STIL: variants seen among roughly 807,000 people sequenced by gnomAD.
STIL encodes the protein STIL centriolar assembly protein.
A neutral mutation model predicts 110.1 loss-of-function variants in STIL; 55 were observed. The ratio of observed to expected loss-of-function variants is 0.50; its 90% CI spans 0.40 to 0.63. The LOEUF (loss-of-function observed/expected upper bound fraction) is 0.63. Among genes scored for constraint, STIL ranks in the 20% least tolerant of loss-of-function variants. The probability of loss-of-function intolerance (pLI) is 0.00; values close to 1 mark genes in which losing one functional copy is unlikely to be tolerated. For synonymous variants in STIL, 481 were observed against 530.0 expected, an observed-to-expected ratio of 0.91 and a Z score of 1.27; for missense variants, 1,358 against 1,530.0, an observed-to-expected ratio of 0.89 and a Z score of 1.87.
intron 14 of STIL, among the ~76,000 whole-genome samples, chr1:47,264,930 T>TAAAAAAAAAAA (rs35230201): frequency 3.1e-5 from 4 of 128,852 alleles, no homozygotes; most frequent in Non-Finnish European, 4.7e-5. Flanking sequence ...TTTCTAAAGT[T>TAAAAAAAAAAA]AAAAAAAAAA....
chr1:47,267,107 ATCAT>A (rs1470222325), intron 14 of STIL, among the ~76,000 whole-genome samples: 1 of 152,084 alleles, frequency 6.6e-6, no homozygotes, highest in Non-Finnish European at 1.5e-5. Context: ...GCTCCTTCTC[ATCAT>A]TCAGGTCACT....
intron 12 of STIL, among the ~76,000 whole-genome samples, chr1:47,277,581 G>A (rs1481228572): frequency 6.6e-6 from 1 of 152,122 alleles, no homozygotes; most frequent in East Asian, 1.9e-4. Flanking sequence ...GAATTAGGTT[G>A]GTAGCAGGAA....
intron 7 of STIL, 37 bp downstream of exon 7, chr1:47,295,728 T>C (rs759061182): frequency 7.2e-7 from 1 of 1,379,950 alleles, no homozygotes; most frequent in Non-Finnish European, 1.0e-6. Context: ...TTTGAACATT[T>C]GGCTGATAAG....
intron 8 of STIL, among the ~76,000 whole-genome samples, chr1:47,289,793 G>A (rs901309717): frequency 6.6e-6 from 1 of 151,996 alleles, no homozygotes; most frequent in Admixed American, 6.6e-5. Context: ...AACATAGTGA[G>A]ACCCTTCCTC....
Position 47,303,262 on chromosome 1 carries a change from GT to G in STIL, c.153-917del, listed in dbSNP as rs377684559. Among the ~76,000 whole-genome samples, 65 of 152,202 alleles carry G rather than the reference GT, an allele frequency of 4.3e-4. 2 individuals carry two copies. In the East Asian group the frequency reaches 9.4e-3, roughly 22 times the overall value. On this transcript the variant is annotated intron_variant, in intron 3 of 16. Transcript: ENST00000371877. ...TCTCATATATATGGTACACCGCCAC[GT>G]TTTAAAAAACCTAAATGAGGGCCAG...
At chr1:47,310,199 C>A (rs1007551117) in intron 2 of STIL, 77 bp downstream of exon 2, 4 of 1,422,920 alleles carry the variant, frequency 2.8e-6, no homozygotes, top group South Asian at 1.2e-5. Flanking sequence ...AGATTATATT[C>A]TTTTTTCTCT....
chr1:47,251,211 C>CT lies in STIL; in HGVS notation c.3791dup (p.Gln1265AlafsTer4). On this transcript the variant is annotated frameshift_variant, in exon 17 of 17. Transcript: ENST00000371877. LOFTEE classifies it high-confidence loss of function. Reference sequence around the variant, plus strand: ...CTACTGAATTCATGCTATTCATCTGCTTTAGCGTTTCAGAAGGTTGCAAAC... The same window carrying CT: ...CTACTGAATTCATGCTATTCATCTGCTTTTAGCGTTTCAGAAGGTTGCAAAC... 6.2e-7 allele frequency: 1 copy of CT among 1,612,330 alleles called. No homozygotes were observed. The highest frequency in any genetic ancestry group is 8.5e-7 in the Non-Finnish European group (1 of 1,179,408).
intron 8 of STIL, among the ~76,000 whole-genome samples, chr1:47,289,995 G>A (rs148965276): frequency 0.012 from 1,867 of 150,682 alleles, 39 homozygotes; most frequent in African/African-American, 0.043. Flanking sequence ...TTTTACTGAG[G>A]ATTTACTGTC....
Position 47,282,367 on chromosome 1 carries a change from C to G in STIL, c.1226G>C (p.Ser409Thr), listed in dbSNP as rs369348360. The G allele has an allele frequency of 8.7e-6, 14 of 1,611,950 alleles. No individual in the cohort carries two copies. The highest frequency in any genetic ancestry group is 7.7e-5 in the South Asian group (7 of 91,050). The change falls in exon 11 of 17, where the codon AGT becomes ACT. Residue 409 changes from serine (S) to threonine (T), a missense_variant. Coordinates refer to ENST00000371877, the MANE Select transcript of STIL (RefSeq NM_001048166.1). ...DEDFSPRPIP[S>T]PHPVSQKISK... is the part of the protein sequence containing the mutation. ...TACCTTCTGACTCACTGGATGAGGA[C>G]TAGGAATTGGTCTTGGAGAAAAATC...
intron 9 of STIL, among the ~76,000 whole-genome samples, chr1:47,288,892 CAAAAA>C (rs138649605): frequency 2.1e-5 from 2 of 94,772 alleles, no homozygotes; most frequent in South Asian, 3.9e-4. Context: ...AATGAAAATA[CAAAAA>C]AAAAAAAAAA....
intron 14 of STIL, among the ~76,000 whole-genome samples, chr1:47,268,758 CATAAATAAATAA>C (rs55980086): frequency 1.7e-4 from 17 of 98,278 alleles, no homozygotes; most frequent in African/African-American, 4.7e-4. Flanking sequence ...AACTCCATCT[CATAAATAAATAA>C]ATAAATAAAT....
At chr1:47,253,944 C>G (rs989977462) in intron 16 of STIL, among the ~76,000 whole-genome samples, 4 of 151,876 alleles carry the variant, frequency 2.6e-5, no homozygotes, top group African/African-American at 9.7e-5. Flanking sequence ...TTTGGGAGGC[C>G]GAGGTGAGCA....
At chr1:47,279,687 C>T (rs1645095422) in intron 12 of STIL, among the ~76,000 whole-genome samples, 1 of 149,824 alleles carries the variant, frequency 6.7e-6, no homozygotes. Flanking sequence ...CAAGATCATG[C>T]CCCTGCACTC....
Position 47,301,615 on chromosome 1 carries a change from A to G in STIL, c.399T>C (p.Leu133=). The change falls in exon 5 of 17, where the codon CTT becomes CTC. Residue 133 remains leucine (L), a synonymous_variant. Transcript: ENST00000371877. ...LIPCKVHTQE[L]CSREMIVHSV... ...TGTGAACTATCATTTCTCTTGAACA[A>G]AGTTCTTGAGTATGAACTTTGCATG... is the stretch of plus-strand genomic sequence containing the variant. 6.2e-7 allele frequency: 1 copy of G among 1,614,030 alleles called. No homozygotes were observed. Among genetic ancestry groups the G allele is most frequent in the East Asian group, 2.2e-5 (1 of 44,866 alleles).
chr1:47,289,080 A>AAAAAAACAC (rs1557751779), intron 9 of STIL, among the ~76,000 whole-genome samples: 2 of 136,510 alleles, frequency 1.5e-5, no homozygotes, highest in African/African-American at 5.7e-5. Context: ...AAAAAAAAAA[A>AAAAAAACAC]AAAAAACATC....
At chr1:47,267,352 G>T (rs1439646213) in intron 14 of STIL, among the ~76,000 whole-genome samples, 3 of 152,138 alleles carry the variant, frequency 2.0e-5, no homozygotes, top group Non-Finnish European at 4.4e-5. Flanking sequence ...TAGTTTTGTG[G>T]TAGCACGTAC....
At position 47,281,122 on chromosome 1, in the gene STIL, C is replaced by T. The variant is rs1645146906; in HGVS notation, c.1336G>A (p.Glu446Lys). 1.9e-6 allele frequency: 3 copies of T among 1,614,092 alleles called. No homozygotes were observed. The highest frequency in any genetic ancestry group is 2.5e-6 in the Non-Finnish European group (3 of 1,180,022). Residue 446 changes from glutamate to lysine, a missense_variant, in exon 12 of 17, where the codon GAA (glutamate) becomes AAA (lysine). Transcript: ENST00000371877. The part of the protein sequence containing the change: ...IESNPLPTPL[E>K]MVNNENPPLI... ...GGAGGATTTTCATTATTCACCATTT[C>T]CAATGGAGTAGGCAGAGGGTTTGAT...
rs1557715459 is a variant in STIL at position 47,266,015 on chromosome 1, A to T, written c.2616-2899T>A. Among the ~76,000 whole-genome samples, 4 of 152,070 alleles carry T rather than the reference A, an allele frequency of 2.6e-5. 1 individual carries two copies. In the South Asian group the frequency reaches 8.3e-4, roughly 32 times the overall value. On this transcript the variant is annotated intron_variant, in intron 14 of 16. Coordinates refer to ENST00000371877, the MANE Select transcript of STIL (RefSeq NM_001048166.1). ...ATACCTTAGCACAAGCAATCGGTTC[A>T]CTTTGGCCTCCCAAAGTGCTAAGAT...
intron 10 of STIL, among the ~76,000 whole-genome samples, chr1:47,285,175 C>A (rs1271789324): frequency 1.3e-5 from 2 of 152,186 alleles, no homozygotes; most frequent in African/African-American, 4.8e-5. Context: ...GCATGTGCCA[C>A]CACAACCAGC....
Sources: gnomAD v4.1 joint callset for allele counts (sites outside exome capture counted in the v4.1 genomes callset) on GRCh38, gnomAD v4.1.1 for gene constraint, MANE v1.5 for transcripts, NCBI Gene and HGNC (gene_info 2026-07-23, HGNC 2026-07-21) for gene names.